BAZ2B: variants seen among roughly 807,000 people sequenced by gnomAD.
BAZ2B encodes bromodomain adjacent to zinc finger domain 2B.
BAZ2B carries 91 observed loss-of-function variants against 246.0 expected under a neutral mutation model. The ratio of observed to expected loss-of-function variants is 0.37; its 90% confidence interval spans 0.31 to 0.44. The LOEUF (loss-of-function observed/expected upper bound fraction) is 0.44, where lower values mean the gene tolerates loss of function less well. Among genes scored for constraint, BAZ2B ranks in the 20% least tolerant of loss-of-function variants. BAZ2B has a pLI of 1.00. For synonymous variants in BAZ2B, 855 were observed against 860.0 expected, an observed-to-expected ratio of 0.99 and a Z score of 0.10; for missense variants, 2,332 against 2,533.7, an observed-to-expected ratio of 0.92 and a Z score of 1.71.
At chr2:159,609,566 T>G (rs567288558) in intron 1 of BAZ2B, among the ~76,000 whole-genome samples, 1 of 152,300 alleles carries the variant, frequency 6.6e-6, no homozygotes, top group African/African-American at 2.4e-5. Context: ...ATGGACAAAA[T>G]CATAAAACAC....
the BAZ2B span, among the ~76,000 whole-genome samples, chr2:159,703,374 G>T: frequency 6.6e-6 from 1 of 152,072 alleles, no homozygotes; most frequent in Non-Finnish European, 1.5e-5. Flanking sequence ...GATTATAGGA[G>T]TGAGCGACTG....
At chr2:159,590,517 G>A (rs368649094) in intron 1 of BAZ2B, among the ~76,000 whole-genome samples, 4 of 152,044 alleles carry the variant, frequency 2.6e-5, no homozygotes, top group African/African-American at 9.6e-5. Context: ...CTTGAACCCG[G>A]GGGGGTGGAG....
chr2:159,534,808 T>C (rs563326077), intron 2 of BAZ2B, among the ~76,000 whole-genome samples: 1 of 152,248 alleles, frequency 6.6e-6, no homozygotes, highest in South Asian at 2.1e-4. Flanking sequence ...GGTTTCACCA[T>C]GCTAGCCAGG....
intron 3 of BAZ2B, among the ~76,000 whole-genome samples, chr2:159,455,573 G>T (rs2150503040): frequency 6.6e-6 from 1 of 151,972 alleles, no homozygotes; most frequent in East Asian, 1.9e-4. Context: ...ACAAGGAAAG[G>T]GCATAAACTT....
chr2:159,542,662 G>A (rs987204784), intron 2 of BAZ2B, among the ~76,000 whole-genome samples: 2 of 151,514 alleles, frequency 1.3e-5, no homozygotes, highest in African/African-American at 4.9e-5. Flanking sequence ...AAATAAAGAA[G>A]TATGAGTAAG....
At chr2:159,390,186 G>A (rs1342060278) in intron 20 of BAZ2B, among the ~76,000 whole-genome samples, 4 of 152,100 alleles carry the variant, frequency 2.6e-5, no homozygotes, top group African/African-American at 9.7e-5. Flanking sequence ...TACCGCACAC[G>A]TGCCACACAT....
At chr2:159,432,022 G>GTTT (rs2071219863) in intron 9 of BAZ2B, among the ~76,000 whole-genome samples, 1 of 152,084 alleles carries the variant, frequency 6.6e-6, no homozygotes, top group African/African-American at 2.4e-5. Flanking sequence ...CACGAAGTTT[G>GTTT]TTTTTAACTT....
At chr2:159,349,476 C>T (rs532662088) in intron 28 of BAZ2B, among the ~76,000 whole-genome samples, 196 bp from the exon 29 acceptor site, 4 of 152,102 alleles carry the variant, frequency 2.6e-5, no homozygotes, top group African/African-American at 7.2e-5. Flanking sequence ...ATTTTCCTTT[C>T]GGATATACCG....
intron 3 of BAZ2B, among the ~76,000 whole-genome samples, chr2:159,477,974 C>G (rs1459017487): frequency 6.6e-6 from 1 of 152,158 alleles, no homozygotes; most frequent in Admixed American, 6.5e-5. Flanking sequence ...AGGCATGCGC[C>G]ACCATGCCTG....
chr2:159,407,630 T>A (rs530915399), intron 14 of BAZ2B, among the ~76,000 whole-genome samples: 11 of 152,324 alleles, frequency 7.2e-5, no homozygotes, highest in African/African-American at 2.4e-4. Flanking sequence ...TTTCTATCAC[T>A]GAGACTTTTA....
At chr2:159,347,432 C>T in intron 31 of BAZ2B, 54 bp downstream of exon 31, 13 of 1,538,144 alleles carry the variant, frequency 8.5e-6, no homozygotes, top group Middle Eastern at 1.7e-4. Context: ...AAGTAATAAA[C>T]ATTAGTTATC....
intron 2 of BAZ2B, among the ~76,000 whole-genome samples, chr2:159,534,795 AG>A (rs2085759640): frequency 6.6e-6 from 1 of 151,944 alleles, no homozygotes; most frequent in South Asian, 2.1e-4. Flanking sequence ...TTAGTAGATA[AG>A]GGGTTTCACC....
intron 13 of BAZ2B, among the ~76,000 whole-genome samples, chr2:159,417,083 A>G (rs2067853123): frequency 6.6e-6 from 1 of 152,164 alleles, no homozygotes; most frequent in African/African-American, 2.4e-5. Flanking sequence ...ATATTTGCTG[A>G]AAATAATTTT....
At chr2:159,512,098 A>G (rs1486017514) in intron 2 of BAZ2B, among the ~76,000 whole-genome samples, 1 of 152,200 alleles carries the variant, frequency 6.6e-6, no homozygotes, top group Non-Finnish European at 1.5e-5. Context: ...TTCCCTCAGT[A>G]TATACTTAAA....
At chr2:159,423,509 C>A (rs1665881389) in intron 13 of BAZ2B, among the ~76,000 whole-genome samples, 1 of 152,152 alleles carries the variant, frequency 6.6e-6, no homozygotes, top group Non-Finnish European at 1.5e-5. Context: ...CCAGCAATCC[C>A]ACTACTGGGT....
chr2:159,385,351 C>T lies in BAZ2B; in HGVS notation c.3490G>A (p.Glu1164Lys). The T allele has an allele frequency of 6.2e-7, 1 of 1,612,552 alleles. No individual in the cohort carries two copies. Among genetic ancestry groups the T allele is most frequent in the Non-Finnish European group, 8.5e-7 (1 of 1,179,510 alleles). ...TGYKAKTALG[E>K]HLLNVGVNRD... is the part of the protein sequence containing the mutation. ...TTCACACCAACATTCAGCAAATGTT[C>T]TCCAAGAGCTGTTTTAGCCTATAAA... The change falls in exon 23 of 37, where the codon GAA becomes AAA. Residue 1164 changes from glutamate (E) to lysine (K), a missense_variant. By Grantham distance (56) the Glu-to-Lys change is moderately conservative (BLOSUM62 1). Around this residue, in one of 9 missense-constraint regions of BAZ2B, gnomAD observed 328 missense variants for 410.4 expected, o/e 0.80. Coordinates refer to ENST00000392783, the MANE Select transcript of BAZ2B (RefSeq NM_013450.4).
the BAZ2B span, among the ~76,000 whole-genome samples, chr2:159,707,400 T>A: frequency 1.3e-5 from 2 of 151,776 alleles, no homozygotes; most frequent in African/African-American, 2.4e-5. Flanking sequence ...AAAATAATTA[T>A]AATAATAAAA....
chr2:159,662,146 C>T, the BAZ2B span, among the ~76,000 whole-genome samples: 1 of 152,204 alleles, frequency 6.6e-6, no homozygotes, highest in Non-Finnish European at 1.5e-5. Context: ...TATCAAGGCT[C>T]ATCTGCACTG....
intron 25 of BAZ2B, among the ~76,000 whole-genome samples, chr2:159,377,149 C>A (rs2061490885): frequency 6.6e-6 from 1 of 152,036 alleles, no homozygotes; most frequent in African/African-American, 2.4e-5. Context: ...TGAAAGGGAT[C>A]CTATGGGTCT....
Sources: allele counts gnomAD v4.1 joint callset (sites outside exome capture counted in the v4.1 genomes callset), GRCh38; gene constraint gnomAD v4.1.1; regional missense constraint gnomAD v4.1.1; transcripts MANE v1.5; gene names NCBI Gene and HGNC (gene_info 2026-07-23, HGNC 2026-07-21).